RAD51B: variants seen among roughly 807,000 people sequenced by gnomAD.
RAD51B encodes DNA repair protein RAD51 homolog 2.
In RAD51B, 38 loss-of-function variants were observed where a neutral mutation model predicts 42.2. That is an observed-to-expected ratio of 0.90 (90% CI 0.70 to 1.18). The LOEUF is 1.18. Among genes scored for constraint, RAD51B ranks in the 50% most tolerant of loss-of-function variants. RAD51B has a pLI of 0.00. For missense variants in RAD51B, 373 were observed against 400.7 expected (o/e 0.93, Z 0.59); for synonymous variants, 154 against 145.2 (o/e 1.06, Z -0.43).
intron 7 of RAD51B, among the ~76,000 whole-genome samples, chr14:68,082,487 ATGTATT>A (rs1452696236): frequency 4.7e-5 from 7 of 148,794 alleles, no homozygotes; most frequent in Non-Finnish European, 9.0e-5. Flanking sequence ...ATATATATAT[ATGTATT>A]TATGTATGTA....
chr14:68,342,935 G>A (rs973714691), intron 8 of RAD51B, among the ~76,000 whole-genome samples: 7 of 150,664 alleles, frequency 4.6e-5, no homozygotes, highest in African/African-American at 1.7e-4. Flanking sequence ...GGAGTTACCT[G>A]CTCCTTATCT....
At chr14:68,312,644 T>C (rs1211917626) in intron 8 of RAD51B, among the ~76,000 whole-genome samples, 1 of 152,244 alleles carries the variant, frequency 6.6e-6, no homozygotes, top group Non-Finnish European at 1.5e-5. Flanking sequence ...TCAGTTTCTT[T>C]CCACAGTTTA....
intron 7 of RAD51B, among the ~76,000 whole-genome samples, chr14:67,888,780 T>C (rs2043135584): frequency 6.6e-6 from 1 of 152,198 alleles, no homozygotes; most frequent in African/African-American, 2.4e-5. Flanking sequence ...ACATAGATTA[T>C]GTGCAAACAC....
intron 7 of RAD51B, among the ~76,000 whole-genome samples, chr14:68,188,265 T>G (rs2079195398): frequency 1.3e-5 from 2 of 150,500 alleles, no homozygotes. Flanking sequence ...TTCTTTGTTG[T>G]TCTTCTTTTT....
intron 8 of RAD51B, among the ~76,000 whole-genome samples, chr14:68,374,771 A>C (rs1324683429): frequency 1.3e-5 from 2 of 149,032 alleles, no homozygotes; most frequent in Non-Finnish European, 3.0e-5. Context: ...TGTTAATGTC[A>C]ATATTAGCTT....
At chr14:68,648,004 CAT>C (rs374934304) in intron 10 of RAD51B, among the ~76,000 whole-genome samples, 34 of 108,694 alleles carry the variant, frequency 3.1e-4, no homozygotes, top group African/African-American at 7.7e-4. Context: ...AAAAATTGAG[CAT>C]ATATATATAT....
At chr14:68,118,079 T>C (rs73286262) in intron 7 of RAD51B, among the ~76,000 whole-genome samples, 2,161 of 152,298 alleles carry the variant, frequency 0.014, 52 homozygotes, top group African/African-American at 0.048. Context: ...ATTTAAAAAA[T>C]AACAATTTGC....
At chr14:68,110,808 C>T (rs572997000) in intron 7 of RAD51B, among the ~76,000 whole-genome samples, 27 of 152,040 alleles carry the variant, frequency 1.8e-4, no homozygotes, top group Non-Finnish European at 2.5e-4. Flanking sequence ...ATCTATTATG[C>T]GATACTGTGG....
At chr14:68,251,280 T>A (rs145504860) in intron 7 of RAD51B, among the ~76,000 whole-genome samples, 1 of 152,308 alleles carries the variant, frequency 6.6e-6, no homozygotes, top group East Asian at 1.9e-4. Flanking sequence ...AAGGTATAAT[T>A]TACCATTGTG....
At chr14:68,225,152 T>C (rs1473836840) in intron 7 of RAD51B, among the ~76,000 whole-genome samples, 1 of 152,174 alleles carries the variant, frequency 6.6e-6, no homozygotes, top group Non-Finnish European at 1.5e-5. Context: ...CAGAAAACAC[T>C]GTAGGGACAA....
chr14:68,535,731 A>G (rs1887577612), intron 10 of RAD51B, among the ~76,000 whole-genome samples: 1 of 152,206 alleles, frequency 6.6e-6, no homozygotes, highest in African/African-American at 2.4e-5. Flanking sequence ...CAAGGAAAAA[A>G]ATGAGTATGT....
At chr14:67,966,839 T>A (rs1377786104) in intron 7 of RAD51B, among the ~76,000 whole-genome samples, 1 of 152,168 alleles carries the variant, frequency 6.6e-6, no homozygotes, top group Non-Finnish European at 1.5e-5. Flanking sequence ...TTTATCACAG[T>A]TTTTTCAACT....
At chr14:67,956,464 C>T (rs1057212996) in intron 7 of RAD51B, among the ~76,000 whole-genome samples, 4 of 151,992 alleles carry the variant, frequency 2.6e-5, no homozygotes, top group South Asian at 2.1e-4. Flanking sequence ...CCAGCCTGGG[C>T]GACAGAGCGA....
Position 67,887,203 on chromosome 14 carries a change from CAGTA to C in RAD51B, c.756+3_756+6del. 1 of 1,602,430 alleles carries C rather than the reference CAGTA, an allele frequency of 6.2e-7. No individual in the cohort carries two copies. The highest frequency in any genetic ancestry group is 1.1e-5 in the South Asian group (1 of 88,090). ...TATTTGGCTGAGGAGTTTTCAATCC[CAGTA>C]AGTTTTTCTTTTTTTCTCTTTTTTC... On this transcript the variant is annotated splice_donor_variant and splice_donor_region_variant and coding_sequence_variant and intron_variant, in exon 7 of 11. Transcript: ENST00000471583. LOFTEE classifies it high-confidence loss of function.
At chr14:68,326,366 T>G (rs540454570) in intron 8 of RAD51B, among the ~76,000 whole-genome samples, 1 of 151,012 alleles carries the variant, frequency 6.6e-6, no homozygotes, top group Non-Finnish European at 1.5e-5. Context: ...AAGTAAAACA[T>G]GTTTCCCCAA....
intron 10 of RAD51B, among the ~76,000 whole-genome samples, chr14:68,648,858 AT>A (rs1418730570): frequency 6.6e-6 from 1 of 152,066 alleles, no homozygotes; most frequent in Non-Finnish European, 1.5e-5. Flanking sequence ...TGTGATGGCG[AT>A]GACCCTGTGG....
chr14:68,012,636 G>T (rs2075704613), intron 7 of RAD51B, among the ~76,000 whole-genome samples: 1 of 151,984 alleles, frequency 6.6e-6, no homozygotes, highest in Non-Finnish European at 1.5e-5. Context: ...TTCTTATTTA[G>T]TGTTAGGATA....
intron 10 of RAD51B, among the ~76,000 whole-genome samples, chr14:68,629,383 T>G (rs552287779): frequency 6.6e-6 from 1 of 152,322 alleles, no homozygotes; most frequent in East Asian, 1.9e-4. Flanking sequence ...CTTTCCCATT[T>G]TCTTCTTTAA....
chr14:67,895,983 A>T (rs2043404062), intron 7 of RAD51B, among the ~76,000 whole-genome samples: 1 of 152,144 alleles, frequency 6.6e-6, no homozygotes, highest in African/African-American at 2.4e-5. Context: ...ACATGGTCTT[A>T]ACTTCTAATT....
Sources: allele counts gnomAD v4.1 joint callset (sites outside exome capture counted in the v4.1 genomes callset), GRCh38; gene constraint gnomAD v4.1.1; transcripts MANE v1.5; gene names NCBI Gene and HGNC (gene_info 2026-07-23, HGNC 2026-07-21).